KCNH8: variants seen among roughly 807,000 people sequenced by gnomAD.
KCNH8 encodes the protein potassium voltage-gated channel subfamily H member 8, also known as voltage-gated delayed rectifier potassium channel KCNH8.
A neutral mutation model predicts 103.6 loss-of-function variants in KCNH8; 70 were observed. The ratio of observed to expected loss-of-function variants is 0.68; its 90% confidence interval spans 0.56 to 0.82. The LOEUF (loss-of-function observed/expected upper bound fraction) is 0.82, where lower values mean the gene tolerates loss of function less well. Among genes scored for constraint, KCNH8 ranks in the 40% least tolerant of loss-of-function variants. The pLI, the probability that KCNH8 is intolerant of heterozygous loss-of-function variation, is 0.00. For synonymous variants in KCNH8, 498 were observed against 489.4 expected (o/e 1.02, Z -0.23); for missense variants, 1,217 against 1,329.9 (o/e 0.92, Z 1.32).
intron 10 of KCNH8, among the ~76,000 whole-genome samples, chr3:19,455,211 G>A (rs1321293695): frequency 6.6e-6 from 1 of 152,170 alleles, no homozygotes; most frequent in African/African-American, 2.4e-5. Context: ...GGGCTAGAAT[G>A]TGTTTGCCTT....
At chr3:19,149,352 G>GT (rs775429766) in intron 1 of KCNH8, among the ~76,000 whole-genome samples, 3 of 152,036 alleles carry the variant, frequency 2.0e-5, no homozygotes, top group Non-Finnish European at 4.4e-5. Flanking sequence ...CTAGAATAGC[G>GT]TATCTTTTAA....
At position 19,233,953 on chromosome 3, in the gene KCNH8, T is replaced by C. The variant is rs1331230523; in HGVS notation, c.77-19701T>C. Reference sequence around the variant, plus strand: ...TGAGTGTTAAAGCTCATAAAGGCAGTGTGGAGCCAAAGAGTGAGCAGCAGC... The same window carrying C: ...TGAGTGTTAAAGCTCATAAAGGCAGCGTGGAGCCAAAGAGTGAGCAGCAGC... On this transcript the variant is annotated intron_variant, in intron 1 of 15. Coordinates refer to ENST00000328405, the MANE Select transcript of KCNH8 (RefSeq NM_144633.3). 4.6e-5 allele frequency among the ~76,000 whole-genome samples: 7 copies of C among 152,164 alleles called. No individual in the cohort carries two copies. In the East Asian group the frequency reaches 1.2e-3, roughly 25 times the overall value.
At chr3:19,501,302 A>G (rs1209986605) in intron 11 of KCNH8, among the ~76,000 whole-genome samples, 2 of 152,176 alleles carry the variant, frequency 1.3e-5, no homozygotes, top group Non-Finnish European at 2.9e-5. Context: ...ACCAACGAAA[A>G]AGAGTCCAGA....
At chr3:19,289,186 C>T (rs1409884830) in intron 3 of KCNH8, among the ~76,000 whole-genome samples, 2 of 151,916 alleles carry the variant, frequency 1.3e-5, no homozygotes, top group African/African-American at 2.4e-5. Flanking sequence ...TGCCTGTTCA[C>T]TCTGATGGTA....
intron 3 of KCNH8, among the ~76,000 whole-genome samples, chr3:19,333,925 C>G (rs2125311918): frequency 6.6e-6 from 1 of 152,192 alleles, no homozygotes; most frequent in East Asian, 1.9e-4. Flanking sequence ...ACAGTTCATA[C>G]AGGAAATTTT....
intron 8 of KCNH8, among the ~76,000 whole-genome samples, chr3:19,446,677 C>A (rs2067367186): frequency 6.6e-6 from 1 of 151,746 alleles, no homozygotes; most frequent in African/African-American, 2.4e-5. Flanking sequence ...TAGAAAACAC[C>A]CCCTACTTAG....
chr3:19,328,902 CTTTA>C (rs1559478824), intron 3 of KCNH8, among the ~76,000 whole-genome samples: 1 of 152,022 alleles, frequency 6.6e-6, no homozygotes, highest in African/African-American at 2.4e-5. Flanking sequence ...TGGATGATTT[CTTTA>C]TTTATGTCCT....
At chr3:19,461,757 G>C (rs2067634014) in intron 11 of KCNH8, among the ~76,000 whole-genome samples, 1 of 152,114 alleles carries the variant, frequency 6.6e-6, no homozygotes, top group Non-Finnish European at 1.5e-5. Context: ...ATGTTGGTTT[G>C]CCGCACCCAT....
At chr3:19,314,390 A>G (rs557628550) in intron 3 of KCNH8, among the ~76,000 whole-genome samples, 46 of 151,892 alleles carry the variant, frequency 3.0e-4, no homozygotes, top group African/African-American at 1.1e-3. Flanking sequence ...GACAGCATAG[A>G]CAGACACTGA....
chr3:19,495,266 T>C (rs759008175), intron 11 of KCNH8, among the ~76,000 whole-genome samples: 15 of 152,204 alleles, frequency 9.9e-5, no homozygotes, highest in Non-Finnish European at 1.8e-4. Flanking sequence ...GTGAAATCTT[T>C]GCCAGGTCCT....
intron 15 of KCNH8, among the ~76,000 whole-genome samples, chr3:19,533,032 G>A (rs912534327): frequency 2.0e-5 from 3 of 151,786 alleles, no homozygotes; most frequent in South Asian, 2.1e-4. Context: ...ATGAAACCCC[G>A]TCTCTACTAA....
At chr3:19,473,224 G>A (rs1186746790) in intron 11 of KCNH8, among the ~76,000 whole-genome samples, 2 of 152,188 alleles carry the variant, frequency 1.3e-5, no homozygotes, top group African/African-American at 4.8e-5. Context: ...CTGATTTATA[G>A]CATAAGCTAT....
intron 1 of KCNH8, among the ~76,000 whole-genome samples, chr3:19,222,902 A>G (rs1395170995): frequency 6.6e-6 from 1 of 152,198 alleles, no homozygotes; most frequent in African/African-American, 2.4e-5. Context: ...AGTACTCTTA[A>G]GGTGCACAAC....
intron 11 of KCNH8, among the ~76,000 whole-genome samples, chr3:19,469,747 G>A (rs961028069): frequency 2.0e-5 from 3 of 152,122 alleles, no homozygotes; most frequent in African/African-American, 7.2e-5. Context: ...TGGTATTGAG[G>A]AAATAAAGAT....
chr3:19,272,573 GT>G (rs1308760450), intron 2 of KCNH8, among the ~76,000 whole-genome samples: 1 of 152,044 alleles, frequency 6.6e-6, no homozygotes, highest in Non-Finnish European at 1.5e-5. Context: ...CTTTCATCCA[GT>G]TTTTCTTCCT....
intron 11 of KCNH8, among the ~76,000 whole-genome samples, chr3:19,498,465 C>T (rs992114470): frequency 2.0e-5 from 3 of 152,062 alleles, no homozygotes; most frequent in Non-Finnish European, 4.4e-5. Context: ...TCAGCGCTGA[C>T]TTGTCTCAAA....
intron 11 of KCNH8, among the ~76,000 whole-genome samples, chr3:19,465,423 T>G (rs1005693861): frequency 6.6e-6 from 1 of 152,136 alleles, no homozygotes; most frequent in African/African-American, 2.4e-5. Context: ...AAGATTCCTT[T>G]CAAAATATTA....
intron 3 of KCNH8, among the ~76,000 whole-genome samples, chr3:19,330,156 A>C (rs1034588606): frequency 6.6e-6 from 1 of 152,178 alleles, no homozygotes; most frequent in Non-Finnish European, 1.5e-5. Flanking sequence ...CTCAAATGAT[A>C]TTCTAACATT....
At chr3:19,517,903 A>T in intron 14 of KCNH8, 95 bp from the exon 15 acceptor site, 2 of 972,328 alleles carry the variant, frequency 2.1e-6, no homozygotes, top group Non-Finnish European at 1.6e-6. Flanking sequence ...GTTAAAAGTG[A>T]TAGCGTGGAC....
Sources: allele counts gnomAD v4.1 joint callset (sites outside exome capture counted in the v4.1 genomes callset), GRCh38; gene constraint gnomAD v4.1.1; transcripts MANE v1.5; gene names NCBI Gene and HGNC (gene_info 2026-07-23, HGNC 2026-07-21).